Variants in SND1 observed in about 807,000 individuals in gnomAD.
SND1 encodes staphylococcal nuclease domain-containing protein 1.
In SND1, 38 loss-of-function variants were observed where a neutral mutation model predicts 121.7. That is an observed-to-expected ratio of 0.31 (90% confidence interval 0.24 to 0.41). The LOEUF (loss-of-function observed/expected upper bound fraction) is 0.41, where lower values mean the gene tolerates loss of function less well. Ranked by LOEUF, SND1 falls within the 10% of genes least tolerant of loss-of-function variation. SND1 has a pLI of 1.00. For synonymous variants in SND1, 401 were observed against 447.4 expected, an observed-to-expected ratio of 0.90 and a Z score of 1.31; for missense variants, 868 against 1,184.6, an observed-to-expected ratio of 0.73 and a Z score of 3.92.
At chr7:127,672,285 C>T (rs78215782) in intron 1 of SND1, among the ~76,000 whole-genome samples, 4 of 151,846 alleles carry the variant, frequency 2.6e-5, no homozygotes, top group African/African-American at 4.8e-5. Context: ...TATAGGAACA[C>T]AATAAAACCA....
chr7:127,955,504 T>TG (rs1300770918), intron 15 of SND1, among the ~76,000 whole-genome samples: 3 of 152,032 alleles, frequency 2.0e-5, no homozygotes, highest in Non-Finnish European at 4.4e-5. Flanking sequence ...AGTGGAGTTG[T>TG]GGGGGGGTGG....
chr7:127,983,260 G>A (rs986178052), intron 15 of SND1, among the ~76,000 whole-genome samples: 4 of 152,294 alleles, frequency 2.6e-5, no homozygotes, highest in African/African-American at 9.6e-5. Context: ...TATAAATCGA[G>A]TAGCTGCAGC....
intron 16 of SND1, among the ~76,000 whole-genome samples, chr7:128,069,128 A>G (rs919482724): frequency 2.4e-4 from 37 of 151,982 alleles, no homozygotes; most frequent in African/African-American, 8.7e-4. Context: ...CATCCTATCA[A>G]CCCCACTTGC....
intron 16 of SND1, among the ~76,000 whole-genome samples, chr7:128,039,648 T>A (rs1426153960): frequency 6.6e-6 from 1 of 152,220 alleles, no homozygotes; most frequent in Non-Finnish European, 1.5e-5. Flanking sequence ...CAGTTGTGAA[T>A]ATGTGAGGAG....
chr7:127,877,621 T>C (rs1223533321), intron 12 of SND1, among the ~76,000 whole-genome samples: 1 of 151,986 alleles, frequency 6.6e-6, no homozygotes, highest in Non-Finnish European at 1.5e-5. Flanking sequence ...TTATAAGAGG[T>C]GAGGTTTTGC....
chr7:127,774,488 T>A (rs1456935340), intron 10 of SND1, among the ~76,000 whole-genome samples: 2 of 152,192 alleles, frequency 1.3e-5, no homozygotes, highest in Admixed American at 6.5e-5. Context: ...GCTGTCTCAC[T>A]AACTCACCCA....
intron 15 of SND1, among the ~76,000 whole-genome samples, chr7:127,940,473 A>G (rs981995173): frequency 2.0e-5 from 3 of 152,160 alleles, no homozygotes; most frequent in Admixed American, 6.5e-5. Context: ...GAGGGAGTGT[A>G]AATGGTTTGG....
At chr7:128,030,032 C>T (rs776820618) in intron 16 of SND1, 2 of 1,613,190 alleles carry the variant, frequency 1.2e-6, no homozygotes, top group South Asian at 1.1e-5. Flanking sequence ...TGCACATGCC[C>T]AAGTTCAGAT....
rs563548702 is a variant in SND1 at position 127,994,549 on chromosome 7, C to CAAAAAAA, written c.1779+3523_1779+3529dup. ...CTCTCAAATGACGATCACTTTTACT[C>CAAAAAAA]AAAAAAAAAAAAAAAAAAAAAAAAA... is the stretch of plus-strand genomic sequence containing the variant. On this transcript the variant is annotated intron_variant, in intron 16 of 23. Coordinates refer to ENST00000354725, the MANE Select transcript of SND1 (RefSeq NM_014390.4). 1.9e-4 allele frequency among the ~76,000 whole-genome samples: 9 copies of CAAAAAAA among 46,236 alleles called. 1 individual carries two copies. In the East Asian group the frequency reaches 4.8e-3, roughly 25 times the overall value. The allele number at this position is 46,236 out of a possible 152,430, so 30.3% of individuals were successfully genotyped here.
chr7:128,029,934 C>T lies in SND1; in HGVS notation c.1779+38878C>T, dbSNP rs1391665154. 6.2e-7 allele frequency: 1 copy of T among 1,613,174 alleles called. No homozygotes were observed. Among genetic ancestry groups the T allele is most frequent in the African/African-American group, 1.3e-5 (1 of 75,024 alleles). ...GAGGGAGCTCAGGCCATGGAAGGAG[C>T]CAGGCCTGATCTCAGGGAAGTGGTT... On this transcript the variant is annotated intron_variant, in intron 16 of 23. Coordinates refer to ENST00000354725, the MANE Select transcript of SND1 (RefSeq NM_014390.4). This position sits in a 1 kb window ranked among gnomAD's most constrained non-coding sequence, Gnocchi z 4.2.
chr7:127,729,163 A>G (rs575132037), intron 10 of SND1, among the ~76,000 whole-genome samples: 23 of 152,186 alleles, frequency 1.5e-4, no homozygotes, highest in Non-Finnish European at 2.8e-4. Context: ...TTGGTCCCCA[A>G]TTGACTTTCT....
intron 10 of SND1, among the ~76,000 whole-genome samples, chr7:127,799,581 ACCT>A (rs1321076330): frequency 6.6e-6 from 1 of 151,994 alleles, no homozygotes; most frequent in Non-Finnish European, 1.5e-5. Flanking sequence ...CTTCATAATC[ACCT>A]CCTTCTAACC....
intron 10 of SND1, among the ~76,000 whole-genome samples, chr7:127,726,995 T>C (rs2116401465): frequency 6.6e-6 from 1 of 152,268 alleles, no homozygotes; most frequent in East Asian, 1.9e-4. Context: ...AACCCAAAGG[T>C]GGAGTCTTTC....
chr7:128,089,036 T>C (rs762280067), intron 21 of SND1, among the ~76,000 whole-genome samples: 5 of 151,992 alleles, frequency 3.3e-5, no homozygotes, highest in Non-Finnish European at 5.9e-5. Flanking sequence ...TAGGGTTCTT[T>C]CTGGTTTGTG....
chr7:127,973,020 G>A (rs944836366), intron 15 of SND1, among the ~76,000 whole-genome samples: 3 of 152,222 alleles, frequency 2.0e-5, no homozygotes, highest in Non-Finnish European at 4.4e-5. Context: ...CCCAAATGAG[G>A]TGAGGAAGTC....
intron 9 of SND1, among the ~76,000 whole-genome samples, chr7:127,711,937 G>T (rs1418197781): frequency 2.0e-5 from 3 of 151,170 alleles, no homozygotes; most frequent in African/African-American, 7.3e-5. Flanking sequence ...AGCTTTCTGC[G>T]AAATTGATTT....
intron 9 of SND1, among the ~76,000 whole-genome samples, chr7:127,710,823 A>G (rs1218255069): frequency 5.9e-5 from 9 of 151,286 alleles, no homozygotes. Context: ...CATACTCAAG[A>G]GGGCGCACAG....
At chr7:127,793,785 C>T (rs1374731573) in intron 10 of SND1, among the ~76,000 whole-genome samples, 7 of 152,058 alleles carry the variant, frequency 4.6e-5, no homozygotes, top group Non-Finnish European at 8.8e-5. Flanking sequence ...GCGAGAAGTT[C>T]CCCATTCTTG....
At chr7:128,070,526 C>T (rs1793392486) in intron 16 of SND1, among the ~76,000 whole-genome samples, 1 of 150,070 alleles carries the variant, frequency 6.7e-6, no homozygotes, top group Non-Finnish European at 1.5e-5. Context: ...CAGAGCTCTT[C>T]CTGAAACACT....
Sources: allele counts gnomAD v4.1 joint callset (sites outside exome capture counted in the v4.1 genomes callset), GRCh38; gene constraint gnomAD v4.1.1; non-coding constraint Gnocchi (gnomAD v3.1); transcripts MANE v1.5; gene names NCBI Gene and HGNC (gene_info 2026-07-23, HGNC 2026-07-21).